DPYSL2: variants seen among roughly 807,000 people sequenced by gnomAD.
DPYSL2 encodes the protein dihydropyrimidinase like 2, also known as dihydropyrimidinase-related protein 2.
A neutral mutation model predicts 69.9 loss-of-function variants in DPYSL2; 13 were observed. The ratio of observed to expected loss-of-function variants is 0.19; its 90% CI spans 0.12 to 0.30. The LOEUF is 0.30. DPYSL2 is among the 10% of genes least tolerant of loss of function. DPYSL2 has a pLI of 1.00. For synonymous variants in DPYSL2, 326 were observed against 359.1 expected, an observed-to-expected ratio of 0.91 and a Z score of 1.04; for missense variants, 587 against 918.9, an observed-to-expected ratio of 0.64 and a Z score of 4.67.
chr8:26,527,319 C>G (rs1808495808), intron 1 of DPYSL2, among the ~76,000 whole-genome samples: 1 of 152,190 alleles, frequency 6.6e-6, no homozygotes, highest in Non-Finnish European at 1.5e-5. Flanking sequence ...GAGATATCTT[C>G]CTACCCTTCA....
intron 1 of DPYSL2, among the ~76,000 whole-genome samples, chr8:26,518,611 C>T (rs184421586): frequency 8.5e-5 from 13 of 152,252 alleles, no homozygotes; most frequent in Admixed American, 8.5e-4. Context: ...CTCATTCCAC[C>T]TCTTCCCAGC....
At chr8:26,519,997 G>T (rs1204645731) in intron 1 of DPYSL2, among the ~76,000 whole-genome samples, 2 of 152,156 alleles carry the variant, frequency 1.3e-5, no homozygotes, top group Non-Finnish European at 2.9e-5. Flanking sequence ...ATCTTGAATT[G>T]TACTCCCATA....
intron 1 of DPYSL2, among the ~76,000 whole-genome samples, chr8:26,555,096 T>A (rs550080036): frequency 1.3e-5 from 2 of 152,246 alleles, no homozygotes; most frequent in East Asian, 3.9e-4. Context: ...AAGCTAAGTA[T>A]ATAGGGAAAC....
rs550851557 is a variant in DPYSL2, at chr8:26,525,166, A to G, written c.354+10487A>G. Among the ~76,000 whole-genome samples, 35 of 152,230 alleles carry G rather than the reference A, an allele frequency of 2.3e-4. 2 individuals are homozygous for G. The South Asian group carries it at 7.3e-3, about 32-fold the overall frequency. On this transcript the variant is annotated intron_variant, in intron 1 of 13. Transcript: ENST00000521913. The stretch of plus-strand genomic sequence containing the variant: ...AGTCATTCTGACTTTAAGATTATAT[A>G]ATTATTTACCTGTGCTTTCTCCTAA...
chr8:26,602,534 T>C (rs1270224236), intron 3 of DPYSL2, among the ~76,000 whole-genome samples: 1 of 152,214 alleles, frequency 6.6e-6, no homozygotes, highest in Non-Finnish European at 1.5e-5. Flanking sequence ...AGAAAGCATG[T>C]GGTCACCTTC....
chr8:26,594,878 A>T (rs971385416), intron 3 of DPYSL2, among the ~76,000 whole-genome samples: 47 of 152,158 alleles, frequency 3.1e-4, no homozygotes, highest in Admixed American at 1.3e-4. Context: ...AAAAACAACG[A>T]TGTATAAGAA....
chr8:26,572,741 C>T (rs1197223588), intron 1 of DPYSL2, among the ~76,000 whole-genome samples: 1 of 152,110 alleles, frequency 6.6e-6, no homozygotes, highest in African/African-American at 2.4e-5. Context: ...CTCAGGTGAT[C>T]CGCCCACTTC....
intron 3 of DPYSL2, 200 bp from the exon 4 acceptor site, chr8:26,623,943 C>G: frequency 1.7e-6 from 1 of 587,904 alleles, no homozygotes; most frequent in Non-Finnish European, 3.0e-6. Context: ...AGACATCATC[C>G]AATGCCAAGT....
intron 1 of DPYSL2, among the ~76,000 whole-genome samples, chr8:26,535,637 T>TATATATATA (rs199796205): frequency 6.9e-6 from 1 of 144,126 alleles, no homozygotes; most frequent in African/African-American, 2.6e-5. Context: ...ATATATATAT[T>TATATATATA]TTTTTTTTCA....
chr8:26,556,230 G>C (rs375380151), intron 1 of DPYSL2, among the ~76,000 whole-genome samples: 44 of 4,302 alleles, frequency 0.01, 5 homozygotes, highest in East Asian at 0.036. Flanking sequence ...AGTATATATA[G>C]TATTTATATA....
intron 7 of DPYSL2, among the ~76,000 whole-genome samples, chr8:26,630,074 CAT>C (rs1428666513): frequency 6.6e-6 from 1 of 152,228 alleles, no homozygotes; most frequent in African/African-American, 2.4e-5. Flanking sequence ...CAGACACGCA[CAT>C]ATGTGTTGTA....
chr8:26,609,345 G>A lies in DPYSL2; in HGVS notation c.629-14798G>A, dbSNP rs575198005. 2.6e-5 allele frequency among the ~76,000 whole-genome samples: 4 copies of A among 152,250 alleles called. No individual in the cohort carries two copies. In the South Asian group the frequency reaches 6.2e-4, roughly 24 times the overall value. ...ACAATGGCTTTGGGGCTTTTGGGGC[G>A]CATTTAGTTCTGCACGTTGTGTATG... is the stretch of plus-strand genomic sequence containing the variant. On this transcript the variant is annotated intron_variant, in intron 3 of 13. Coordinates refer to ENST00000521913, the MANE Select transcript of DPYSL2 (RefSeq NM_001197293.3). This position sits in a 1 kb window ranked among gnomAD's most constrained non-coding sequence, Gnocchi z 6.5.
intron 1 of DPYSL2, among the ~76,000 whole-genome samples, chr8:26,559,619 G>C (rs1298944469): frequency 2.6e-5 from 4 of 151,914 alleles, no homozygotes; most frequent in Admixed American, 6.6e-5. Context: ...GCTTTTCTTA[G>C]TTCTTTAAGT....
intron 3 of DPYSL2, among the ~76,000 whole-genome samples, chr8:26,594,751 C>T (rs1213456746): frequency 6.6e-6 from 1 of 152,204 alleles, no homozygotes; most frequent in African/African-American, 2.4e-5. Flanking sequence ...TTGCATGCCA[C>T]CTGATTCCAG....
In DPYSL2 at chr8:26,609,665, C is replaced by T. The variant is rs776859169; in HGVS notation, c.629-14478C>T. On this transcript the variant is annotated intron_variant, in intron 3 of 13. Transcript: ENST00000521913. The surrounding 1 kb of genome is among the most constrained non-coding windows in gnomAD (Gnocchi z 6.5). ...GCCACCTCATCGGGCTGGACGCTGC[C>T]GGCTGCCACCCGTCGCTGAGCTGGA... Among the ~76,000 whole-genome samples, 10 of 152,208 alleles carry T rather than the reference C, an allele frequency of 6.6e-5. No homozygotes were observed. Among genetic ancestry groups the T allele is most frequent in the Non-Finnish European group, 1.2e-4 (8 of 68,034 alleles).
chr8:26,639,957 A>G (rs1344795186), intron 8 of DPYSL2, among the ~76,000 whole-genome samples: 1 of 152,216 alleles, frequency 6.6e-6, no homozygotes, highest in African/African-American at 2.4e-5. Flanking sequence ...ACCTGACAGC[A>G]CAGTCCCCAG....
chr8:26,515,228 C>G (rs547552359), intron 1 of DPYSL2, among the ~76,000 whole-genome samples: 9 of 152,334 alleles, frequency 5.9e-5, no homozygotes, highest in Non-Finnish European at 8.8e-5. Flanking sequence ...CCCCGGACCC[C>G]CTCCGAGCAC....
Position 26,560,877 on chromosome 8 carries a change from A to G in DPYSL2, c.355-21092A>G, listed in dbSNP as rs756275390. On this transcript the variant is annotated intron_variant, in intron 1 of 13. Coordinates refer to ENST00000521913, the MANE Select transcript of DPYSL2 (RefSeq NM_001197293.3). The surrounding 1 kb of genome is among the most constrained non-coding windows in gnomAD (Gnocchi z 4.4). ...TCCAACCAGAAAGGAAAGAAACATCATTAATCATATGATGAGTGTTTGTCA... is the reference window on the plus strand; with the variant it reads ...TCCAACCAGAAAGGAAAGAAACATCGTTAATCATATGATGAGTGTTTGTCA... Among the ~76,000 whole-genome samples the G allele has an allele frequency of 2.0e-5, 3 of 152,250 alleles. No homozygotes were observed. The highest frequency in any genetic ancestry group is 4.4e-5 in the Non-Finnish European group (3 of 68,044).
rs1178458453 is a variant in DPYSL2, at chr8:26,565,207, A to C, written c.355-16762A>C. On this transcript the variant is annotated intron_variant, in intron 1 of 13. Coordinates refer to ENST00000521913, the MANE Select transcript of DPYSL2 (RefSeq NM_001197293.3). The surrounding 1 kb of genome is among the most constrained non-coding windows in gnomAD (Gnocchi z 4.1). ...GTCAGTGGGCACTTAGGCTGGTTCC[A>C]TATTTGTGCAACTGTGACTTGTGCT... Among the ~76,000 whole-genome samples the C allele has an allele frequency of 6.6e-6, 1 of 152,094 alleles. No individual in the cohort carries two copies. Among genetic ancestry groups the C allele is most frequent in the Non-Finnish European group, 1.5e-5 (1 of 68,022 alleles).
Sources: allele counts gnomAD v4.1 joint callset (sites outside exome capture counted in the v4.1 genomes callset), GRCh38; gene constraint gnomAD v4.1.1; non-coding constraint Gnocchi (gnomAD v3.1); transcripts MANE v1.5; gene names NCBI Gene and HGNC (gene_info 2026-07-23, HGNC 2026-07-21).